PRKAA1: variants seen among roughly 807,000 people sequenced by gnomAD.
The protein encoded by PRKAA1 is protein kinase AMP-activated catalytic subunit alpha 1, also known as 5'-AMP-activated protein kinase catalytic subunit alpha-1.
Under a neutral mutation model 56.9 loss-of-function variants are expected in PRKAA1, and 23 were observed. The observed-to-expected ratio is 0.40, with a 90% CI of 0.29 to 0.57. The LOEUF (loss-of-function observed/expected upper bound fraction) is 0.57, where lower values mean the gene tolerates loss of function less well. Ranked by LOEUF, PRKAA1 falls within the 20% of genes least tolerant of loss-of-function variation. The pLI, the probability that PRKAA1 is intolerant of heterozygous loss-of-function variation, is 0.39. For missense variants in PRKAA1, 413 were observed against 679.7 expected (o/e 0.61, Z 4.36); for synonymous variants, 226 against 227.0 (o/e 1.00, Z 0.04).
intron 1 of PRKAA1, chr5:40,790,342 AACCAAACAAATGTTAACTT>A: frequency 6.6e-6 from 1 of 152,326 alleles, no homozygotes; most frequent in South Asian, 2.1e-4. Context: ...GAAGACTGGG[AACCAAACAAATGTTAACTT>A]ATGAGTATCA....
chr5:40,797,745 G>GCGCGC (rs1214968515), intron 1 of PRKAA1, among the ~76,000 whole-genome samples: 2 of 152,182 alleles, frequency 1.3e-5, no homozygotes, highest in Non-Finnish European at 1.5e-5. Flanking sequence ...AGCACCCAGA[G>GCGCGC]CGCGCCGCGC....
intron 1 of PRKAA1, among the ~76,000 whole-genome samples, chr5:40,783,746 G>A (rs569335623): frequency 9.2e-5 from 14 of 151,834 alleles, no homozygotes; most frequent in African/African-American, 2.2e-4. Flanking sequence ...GCAACAGAGC[G>A]AGACTCCATC....
intron 1 of PRKAA1, among the ~76,000 whole-genome samples, chr5:40,779,972 G>A (rs1744195937): frequency 6.6e-6 from 1 of 152,140 alleles, no homozygotes; most frequent in African/African-American, 2.4e-5. Context: ...TAGAAATGAT[G>A]CAAAGATAAA....
At chr5:40,796,988 A>T (rs938091937) in intron 1 of PRKAA1, among the ~76,000 whole-genome samples, 1 of 152,246 alleles carries the variant, frequency 6.6e-6, no homozygotes, top group African/African-American at 2.4e-5. Context: ...AGAAAAAAAA[A>T]ATCATGCCTT....
chr5:40,796,676 C>T (rs1259858438), intron 1 of PRKAA1, among the ~76,000 whole-genome samples: 4 of 152,182 alleles, frequency 2.6e-5, no homozygotes, highest in African/African-American at 7.2e-5. Flanking sequence ...GCAGTTGCTT[C>T]CCTGTGGGAT....
intron 1 of PRKAA1, among the ~76,000 whole-genome samples, chr5:40,795,383 TA>T (rs1561192484): frequency 6.6e-6 from 1 of 151,824 alleles, no homozygotes; most frequent in Non-Finnish European, 1.5e-5. Flanking sequence ...CCCAATAACT[TA>T]AAGAAAAATT....
chr5:40,768,293 G>T, intron 5 of PRKAA1: 1 of 357,780 alleles, frequency 2.8e-6, no homozygotes, highest in Non-Finnish European at 3.9e-6. Context: ...ATATTATTTT[G>T]AAAGTAAAAG....
chr5:40,773,909 G>A (rs571909825), intron 3 of PRKAA1, among the ~76,000 whole-genome samples: 1 of 152,270 alleles, frequency 6.6e-6, no homozygotes, highest in South Asian at 2.1e-4. Flanking sequence ...AAAACATGGG[G>A]GCTAAGACAA....
chr5:40,794,765 C>G (rs1315227578), intron 1 of PRKAA1, among the ~76,000 whole-genome samples: 1 of 126,394 alleles, frequency 7.9e-6, no homozygotes, highest in East Asian at 2.1e-4. Context: ...CACTTCTACA[C>G]TGCTGGTGGG....
chr5:40,771,815 C>T lies in PRKAA1; in HGVS notation c.412G>A (p.Val138Met). The change falls in exon 4 of 9, where the codon GTG (valine) becomes ATG (methionine). Residue 138 changes from valine (V) to methionine (M), a missense_variant. Coordinates refer to ENST00000397128, the MANE Select transcript of PRKAA1 (RefSeq NM_006251.6). Reference sequence around the variant, plus strand: ...ACCATATGCCTGTGACAATAATCCACACCAGAAAGGATCTGTTGGAACAGA... The same window carrying T: ...ACCATATGCCTGTGACAATAATCCATACCAGAAAGGATCTGTTGGAACAGA... ...RRLFQQILSG[V>M]DYCHRHMVVH... is the part of the protein sequence containing the mutation. The T allele has an allele frequency of 6.2e-7, 1 of 1,612,460 alleles. No individual in the cohort carries two copies. Among genetic ancestry groups the T allele is most frequent in the Non-Finnish European group, 8.5e-7 (1 of 1,179,658 alleles).
chr5:40,775,020 G>C, intron 3 of PRKAA1: 1 of 1,312,084 alleles, frequency 7.6e-7, no homozygotes, highest in Non-Finnish European at 1.1e-6. Context: ...GAATTGACTA[G>C]CAAGGCCTAG....
rs1020063731 is a variant in PRKAA1, at chr5:40,761,825, G to C, written c.*953C>G. ...GCTCTTGTAACAAAAAGAACATTTTGTGTACAGAATATCGTGGGAATATTT... is the reference window on the plus strand; with the variant it reads ...GCTCTTGTAACAAAAAGAACATTTTCTGTACAGAATATCGTGGGAATATTT... On this transcript the variant is annotated 3_prime_UTR_variant, in exon 9 of 9. Coordinates refer to ENST00000397128, the MANE Select transcript of PRKAA1 (RefSeq NM_006251.6). 1 of 152,342 alleles carries C rather than the reference G, an allele frequency of 6.6e-6. No homozygotes were observed. The highest frequency in any genetic ancestry group is 2.4e-5 in the African/African-American group (1 of 41,452). 9.4% of individuals were successfully genotyped at this position (152,342 alleles called of 1,614,324 possible).
intron 1 of PRKAA1, among the ~76,000 whole-genome samples, chr5:40,789,126 G>T (rs1446640988): frequency 6.6e-6 from 1 of 151,638 alleles, no homozygotes; most frequent in South Asian, 2.1e-4. Context: ...TGGGAGGATC[G>T]CTTGAGCCCA....
chr5:40,798,338 T>TC lies in PRKAA1; in HGVS notation c.-150dup, dbSNP rs1456391401. On this transcript the variant is annotated 5_prime_UTR_variant, in exon 1 of 9. Coordinates refer to ENST00000397128, the MANE Select transcript of PRKAA1 (RefSeq NM_006251.6). ...CGCAGCCTACGTCGGGCGCAGACGCTCCCCCTGGCGGGGCGGGCGGGGGCT... is the reference window on the plus strand; with the variant it reads ...CGCAGCCTACGTCGGGCGCAGACGCTCCCCCCTGGCGGGGCGGGCGGGGGCT... 2.2e-5 allele frequency: 8 copies of TC among 369,620 alleles called. No homozygotes were observed. The highest frequency in any genetic ancestry group is 5.0e-5 in the Admixed American group (1 of 19,932). 22.9% of individuals were successfully genotyped at this position (369,620 alleles called of 1,614,324 possible).
intron 1 of PRKAA1, among the ~76,000 whole-genome samples, chr5:40,797,198 T>C (rs1744963572): frequency 6.6e-6 from 1 of 152,214 alleles, no homozygotes; most frequent in African/African-American, 2.4e-5. Context: ...CCGAATGCTG[T>C]ACAATGCACC....
chr5:40,763,164 C>A lies in PRKAA1; in HGVS notation c.1436-142G>T. The A allele has an allele frequency of 5.2e-6, 4 of 772,690 alleles. No individual in the cohort carries two copies. The South Asian group carries it at 7.3e-5, about 14-fold the overall frequency. 47.9% of individuals were successfully genotyped at this position (772,690 alleles called of 1,614,324 possible). A position where few individuals can be genotyped will look rare whatever the true frequency, so the allele number is the denominator to read the frequency against. On this transcript the variant is annotated intron_variant, in intron 8 of 8. Transcript: ENST00000397128. ...TATTCTAAATACCTTCTAAAACAGT[C>A]AATGAGCCTGTATTAAACTATTCAT...
rs953624982 is a variant in PRKAA1, at chr5:40,787,194, G to A, written c.128-9608C>T. Among the ~76,000 whole-genome samples the A allele has an allele frequency of 6.9e-4, 105 of 151,992 alleles. 1 individual carries two copies. Among genetic ancestry groups the A allele is most frequent in the Admixed American group, 2.8e-3 (42 of 15,236 alleles). ...AAAATAGTTAAAGCTAGCCAGGCGC[G>A]GTGGCTCACACCTGTAATCCTAGCA... On this transcript the variant is annotated intron_variant, in intron 1 of 8. Coordinates refer to ENST00000397128, the MANE Select transcript of PRKAA1 (RefSeq NM_006251.6).
intron 6 of PRKAA1, 85 bp from the exon 7 acceptor site, chr5:40,765,323 C>T (rs1743377888): frequency 7.1e-7 from 1 of 1,401,584 alleles, no homozygotes; most frequent in Non-Finnish European, 9.6e-7. Context: ...TAGAATATGA[C>T]TTAATTTATA....
At chr5:40,797,156 G>A (rs143038748) in intron 1 of PRKAA1, among the ~76,000 whole-genome samples, 142 of 152,304 alleles carry the variant, frequency 9.3e-4, no homozygotes, top group Non-Finnish European at 1.5e-3. Context: ...ACTGCATAGT[G>A]GTGAAGTCTG....
Sources: gnomAD v4.1 joint callset for allele counts (sites outside exome capture counted in the v4.1 genomes callset) on GRCh38, gnomAD v4.1.1 for gene constraint, MANE v1.5 for transcripts, NCBI Gene and HGNC (gene_info 2026-07-23, HGNC 2026-07-21) for gene names.